The following TMEM117 variants were observed in gnomAD, a reference collection of about 807,000 sequenced individuals.
The protein encoded by TMEM117 is transmembrane protein 117.
Under a neutral mutation model 52.4 loss-of-function variants are expected in TMEM117, and 27 were observed. That is an observed-to-expected ratio of 0.51 (90% CI 0.38 to 0.71). TMEM117 has a LOEUF of 0.71. Ranked by LOEUF, TMEM117 falls within the 30% of genes least tolerant of loss-of-function variation. The pLI is 0.00. For synonymous variants in TMEM117, 215 were observed against 206.3 expected (o/e 1.04, Z -0.36); for missense variants, 556 against 630.5 (o/e 0.88, Z 1.26).
intron 5 of TMEM117, among the ~76,000 whole-genome samples, chr12:44,283,749 G>A (rs936403202): frequency 6.6e-6 from 1 of 152,090 alleles, no homozygotes; most frequent in Non-Finnish European, 1.5e-5. Context: ...AGGCGTGATT[G>A]GTTTTGAAAT....
chr12:44,385,104 AG>A (rs1952071410), intron 7 of TMEM117, among the ~76,000 whole-genome samples: 1 of 152,180 alleles, frequency 6.6e-6, no homozygotes, highest in African/African-American at 2.4e-5. Flanking sequence ...AGGTTACCCA[AG>A]GTCATATGCT....
chr12:44,398,888 A>T, the TMEM117 span, among the ~76,000 whole-genome samples: 3 of 152,214 alleles, frequency 2.0e-5, no homozygotes, highest in Non-Finnish European at 4.4e-5. Context: ...TGTCATTATG[A>T]GTTTTAAGTG....
At chr12:43,947,269 A>G (rs1945148703) in intron 3 of TMEM117, among the ~76,000 whole-genome samples, 1 of 152,182 alleles carries the variant, frequency 6.6e-6, no homozygotes, top group Non-Finnish European at 1.5e-5. Flanking sequence ...TGGGAGTTCA[A>G]GGTTACAGTG....
At chr12:44,027,012 T>C (rs562486732) in intron 3 of TMEM117, among the ~76,000 whole-genome samples, 34 of 151,796 alleles carry the variant, frequency 2.2e-4, no homozygotes, top group African/African-American at 8.0e-4. Context: ...CAGCCCAAGA[T>C]GCAATATGAG....
chr12:44,187,186 T>C (rs111624770), intron 4 of TMEM117, among the ~76,000 whole-genome samples: 4 of 152,258 alleles, frequency 2.6e-5, no homozygotes, highest in African/African-American at 9.6e-5. Flanking sequence ...TCCAGACTTA[T>C]ATTTGCTTAT....
chr12:43,895,232 A>G (rs1944178115), intron 2 of TMEM117, among the ~76,000 whole-genome samples: 1 of 152,100 alleles, frequency 6.6e-6, no homozygotes, highest in Non-Finnish European at 1.5e-5. Flanking sequence ...CCTGCTTGTC[A>G]ATAACAACAT....
At position 44,275,637 on chromosome 12, in the gene TMEM117, C is replaced by A. The variant is rs1323835534; in HGVS notation, c.609-23943C>A. On this transcript the variant is annotated intron_variant, in intron 5 of 7. Coordinates refer to ENST00000266534, the MANE Select transcript of TMEM117 (RefSeq NM_032256.3). ...GCCATTAAAAAGAATGAGATCCTGTCGTTTGCAATGACATGGATGGAACTA... is the reference window on the plus strand; with the variant it reads ...GCCATTAAAAAGAATGAGATCCTGTAGTTTGCAATGACATGGATGGAACTA... Among the ~76,000 whole-genome samples, 5 of 151,968 alleles carry A rather than the reference C, an allele frequency of 3.3e-5. No individual in the cohort carries two copies. In the South Asian group the frequency reaches 1.0e-3, roughly 32 times the overall value.
chr12:44,173,313 G>A (rs763439839), intron 4 of TMEM117, among the ~76,000 whole-genome samples: 28 of 152,152 alleles, frequency 1.8e-4, no homozygotes, highest in Non-Finnish European at 3.8e-4. Flanking sequence ...CTGAGCTCAG[G>A]CAATCCATCC....
At chr12:43,897,121 C>A (rs965258456) in intron 2 of TMEM117, among the ~76,000 whole-genome samples, 3 of 152,084 alleles carry the variant, frequency 2.0e-5, no homozygotes, top group Non-Finnish European at 4.4e-5. Flanking sequence ...TTTGCAACCC[C>A]AAATGCTTTG....
chr12:44,101,848 C>T (rs1196679615), intron 3 of TMEM117, among the ~76,000 whole-genome samples: 1 of 151,992 alleles, frequency 6.6e-6, no homozygotes, highest in Admixed American at 6.6e-5. Context: ...TTAATCCCTG[C>T]ATGCCTTTTT....
At position 43,893,303 on chromosome 12, in the gene TMEM117, T is replaced by C. The variant is rs181177861; in HGVS notation, c.277+48375T>C. Among the ~76,000 whole-genome samples the C allele has an allele frequency of 3.9e-3, 596 of 152,290 alleles. 2 individuals are homozygous for C. Among genetic ancestry groups the C allele is most frequent in the African/African-American group, 0.014 (574 of 41,560 alleles). On this transcript the variant is annotated intron_variant, in intron 2 of 7. Coordinates refer to ENST00000266534, the MANE Select transcript of TMEM117 (RefSeq NM_032256.3). Reference sequence around the variant, plus strand: ...AGCACAGAGACAAATCAAATGCTTTTCTAGAAGTCTTAAGACATCATGGAG... The same window carrying C: ...AGCACAGAGACAAATCAAATGCTTTCCTAGAAGTCTTAAGACATCATGGAG...
intron 3 of TMEM117, among the ~76,000 whole-genome samples, chr12:44,082,054 T>C (rs1947489753): frequency 6.6e-6 from 1 of 151,832 alleles, no homozygotes; most frequent in East Asian, 1.9e-4. Context: ...ATAATTGTGA[T>C]TTATAAGATC....
chr12:44,037,036 G>A (rs1470793915), intron 3 of TMEM117, among the ~76,000 whole-genome samples: 1 of 152,168 alleles, frequency 6.6e-6, no homozygotes, highest in Non-Finnish European at 1.5e-5. Flanking sequence ...TACAGTGGGG[G>A]AGGTGTGGCC....
intron 2 of TMEM117, among the ~76,000 whole-genome samples, chr12:43,920,205 A>G (rs1308276397): frequency 2.0e-5 from 3 of 152,116 alleles, no homozygotes; most frequent in Non-Finnish European, 4.4e-5. Flanking sequence ...TATCTCTAAA[A>G]CGTCTTTGCA....
At chr12:43,797,310 T>A in the TMEM117 span, 1 of 1,591,778 alleles carries the variant, frequency 6.3e-7, no homozygotes, top group Non-Finnish European at 8.5e-7. Context: ...ACCTATGGAC[T>A]CTAAATAGTC....
chr12:43,967,228 G>C (rs1312377777), intron 3 of TMEM117, among the ~76,000 whole-genome samples: 1 of 151,622 alleles, frequency 6.6e-6, no homozygotes, highest in Non-Finnish European at 1.5e-5. Flanking sequence ...CTGCTCAAAT[G>C]ATCTTCTCAC....
intron 6 of TMEM117, among the ~76,000 whole-genome samples, chr12:44,320,542 C>T (rs565477818): frequency 2.0e-5 from 3 of 152,180 alleles, no homozygotes; most frequent in Non-Finnish European, 4.4e-5. Context: ...CCTACCCCCA[C>T]CTCTTGCATT....
At chr12:43,798,566 C>T in the TMEM117 span, 1 of 1,525,056 alleles carries the variant, frequency 6.6e-7, no homozygotes, top group Admixed American at 2.0e-5. Flanking sequence ...AATGCATACC[C>T]CAATATGATC....
intron 3 of TMEM117, among the ~76,000 whole-genome samples, chr12:43,996,681 A>G (rs915469229): frequency 9.0e-6 from 1 of 111,034 alleles, no homozygotes; most frequent in African/African-American, 2.7e-5. Flanking sequence ...AATTTAGGGA[A>G]TGTCTGTGGG....
Sources: gnomAD v4.1 joint callset for allele counts (sites outside exome capture counted in the v4.1 genomes callset) on GRCh38, gnomAD v4.1.1 for gene constraint, MANE v1.5 for transcripts, NCBI Gene and HGNC (gene_info 2026-07-23, HGNC 2026-07-21) for gene names.